TMEM154: variants seen among roughly 807,000 people sequenced by gnomAD.
TMEM154 encodes transmembrane protein 154.
TMEM154 carries 27 observed loss-of-function variants against 24.5 expected under a neutral mutation model. The ratio of observed to expected loss-of-function variants is 1.10; its 90% CI spans 0.81 to 1.52. The LOEUF (loss-of-function observed/expected upper bound fraction) is 1.52. Among genes scored for constraint, TMEM154 ranks in the 40% most tolerant of loss-of-function variants. The probability of loss-of-function intolerance (pLI) is 0.00; values close to 1 mark genes in which losing one functional copy is unlikely to be tolerated. For missense variants in TMEM154, 228 were observed against 213.4 expected (o/e 1.07, Z -0.43); for synonymous variants, 67 against 76.8 (o/e 0.87, Z 0.67).
chr4:152,676,516 A>G (rs1245644249), intron 1 of TMEM154, among the ~76,000 whole-genome samples: 1 of 152,216 alleles, frequency 6.6e-6, no homozygotes, highest in Non-Finnish European at 1.5e-5. Context: ...AAATGTAAAA[A>G]CAGGGATAAT....
At chr4:152,630,697 TTA>T (rs1752023068) in intron 6 of TMEM154, among the ~76,000 whole-genome samples, 1 of 152,214 alleles carries the variant, frequency 6.6e-6, no homozygotes, top group Non-Finnish European at 1.5e-5. Flanking sequence ...AAGTTAATTA[TTA>T]TAAAATTTGT....
intron 6 of TMEM154, among the ~76,000 whole-genome samples, chr4:152,631,036 A>C (rs796177768): frequency 1.4e-4 from 22 of 152,304 alleles, no homozygotes; most frequent in African/African-American, 5.0e-4. Flanking sequence ...TCAAATTTTT[A>C]ATTTTTATTT....
At chr4:152,638,369 G>A (rs919363367) in intron 6 of TMEM154, among the ~76,000 whole-genome samples, 7 of 152,226 alleles carry the variant, frequency 4.6e-5, no homozygotes, top group African/African-American at 1.7e-4. Flanking sequence ...AGAACTGAAA[G>A]TCTCATAGTA....
chr4:152,657,799 G>A (rs1728519867), intron 1 of TMEM154, among the ~76,000 whole-genome samples: 1 of 152,140 alleles, frequency 6.6e-6, no homozygotes, highest in African/African-American at 2.4e-5. Context: ...GGAGACAACA[G>A]GGTAATAAAG....
At position 152,621,197 on chromosome 4, in the gene TMEM154, C is replaced by T. The variant is rs1407989163; in HGVS notation, c.*7349G>A. ...TGGCTGACCTACTTGGGAGGCTCAC[C>T]CTTGTGCTGGTTCCCTCTCTTTCCT... On this transcript the variant is annotated 3_prime_UTR_variant, in exon 7 of 7. Transcript: ENST00000304385. The T allele has an allele frequency of 2.0e-5, 3 of 152,230 alleles. No homozygotes were observed. Among genetic ancestry groups the T allele is most frequent in the African/African-American group, 7.2e-5 (3 of 41,444 alleles). 9.4% of individuals were successfully genotyped at this position (152,230 alleles called of 1,614,324 possible).
In TMEM154 at chr4:152,621,676, A is replaced by G. The variant is rs543985931; in HGVS notation, c.*6870T>C. 6.6e-6 allele frequency: 1 copy of G among 152,338 alleles called. No homozygotes were observed. The highest frequency in any genetic ancestry group is 2.4e-5 in the African/African-American group (1 of 41,578). 9.4% of individuals were successfully genotyped at this position (152,338 alleles called of 1,614,324 possible). ...CCTTATTCAAGGAAGTCTTCATGTT[A>G]TCTACAACTTATGAATCTGCCTTTC... is the stretch of plus-strand genomic sequence containing the variant. On this transcript the variant is annotated 3_prime_UTR_variant, in exon 7 of 7. Transcript: ENST00000304385.
chr4:152,673,798 A>T (rs1728900808), intron 1 of TMEM154, among the ~76,000 whole-genome samples: 2 of 152,140 alleles, frequency 1.3e-5, no homozygotes, highest in Non-Finnish European at 2.9e-5. Context: ...GTTGATAGAC[A>T]TTTAGGTTGC....
intron 1 of TMEM154, among the ~76,000 whole-genome samples, chr4:152,673,676 T>C (rs1024939787): frequency 1.3e-5 from 2 of 152,214 alleles, no homozygotes. Flanking sequence ...GATACGTGTA[T>C]CAACATGACT....
chr4:152,658,474 A>C (rs1177659737), intron 1 of TMEM154, among the ~76,000 whole-genome samples: 1 of 152,170 alleles, frequency 6.6e-6, no homozygotes, highest in Non-Finnish European at 1.5e-5. Flanking sequence ...GACTAAAAAC[A>C]AACAAAAAAC....
chr4:152,664,534 A>G (rs1211399993), intron 1 of TMEM154, among the ~76,000 whole-genome samples: 1 of 152,246 alleles, frequency 6.6e-6, no homozygotes, highest in African/African-American at 2.4e-5. Context: ...AAATTTTTTT[A>G]AAGCTTAATT....
At chr4:152,646,526 TG>T in intron 3 of TMEM154, 1 of 165,624 alleles carries the variant, frequency 6.0e-6, no homozygotes, top group Non-Finnish European at 1.3e-5. Context: ...CCACTCCACC[TG>T]GCCTATATAT....
At chr4:152,676,845 CTGTT>C (rs910434474) in intron 1 of TMEM154, among the ~76,000 whole-genome samples, 1 of 152,204 alleles carries the variant, frequency 6.6e-6, no homozygotes, top group African/African-American at 2.4e-5. Flanking sequence ...CCATTCCTCT[CTGTT>C]TGGCCACCAA....
intron 1 of TMEM154, among the ~76,000 whole-genome samples, chr4:152,654,669 T>C (rs912706025): frequency 1.3e-5 from 2 of 152,172 alleles, no homozygotes; most frequent in African/African-American, 4.8e-5. Context: ...AAACCAGAGT[T>C]CTCTTTCCTT....
intron 3 of TMEM154, 36 bp downstream of exon 3, chr4:152,652,502 C>T (rs756369026): frequency 6.2e-7 from 1 of 1,611,676 alleles, no homozygotes; most frequent in South Asian, 1.1e-5. Context: ...TCCAATCCCA[C>T]CCCCACCTGT....
chr4:152,643,262 G>A (rs1752291227), intron 4 of TMEM154, 89 bp from the exon 5 acceptor site: 2 of 1,019,854 alleles, frequency 2.0e-6, no homozygotes, highest in East Asian at 4.8e-5. Context: ...TGATCCTGAG[G>A]AAGATGAACT....
chr4:152,644,885 A>T (rs1752327141), intron 3 of TMEM154, among the ~76,000 whole-genome samples: 1 of 152,138 alleles, frequency 6.6e-6, no homozygotes, highest in African/African-American at 2.4e-5. Context: ...CTGGTGGAGG[A>T]TGTGGGATCT....
chr4:152,640,924 G>A lies in TMEM154; in HGVS notation c.536+4C>T. On this transcript the variant is annotated splice_donor_region_variant and intron_variant, in intron 6 of 6. Coordinates refer to ENST00000304385, the MANE Select transcript of TMEM154 (RefSeq NM_152680.3). Reference sequence around the variant, plus strand: ...ATGTAATCTGTGGTAGAAATGAGAAGTACCTTGGGTTGTGATTTGATTCCT... The same window carrying A: ...ATGTAATCTGTGGTAGAAATGAGAAATACCTTGGGTTGTGATTTGATTCCT... 6.4e-7 allele frequency: 1 copy of A among 1,564,884 alleles called. No homozygotes were observed. The highest frequency in any genetic ancestry group is 1.1e-5 in the South Asian group (1 of 89,228).
intron 4 of TMEM154, among the ~76,000 whole-genome samples, chr4:152,643,780 C>T (rs1162213162): frequency 6.6e-6 from 1 of 152,162 alleles, no homozygotes; most frequent in Non-Finnish European, 1.5e-5. Context: ...GCTCTGAAAG[C>T]AGCGTAGGCG....
chr4:152,677,389 G>T (rs1728972063), intron 1 of TMEM154, among the ~76,000 whole-genome samples: 1 of 152,160 alleles, frequency 6.6e-6, no homozygotes, highest in South Asian at 2.1e-4. Flanking sequence ...CACAAACAGT[G>T]TCAGGCCCTT....
Sources: gnomAD v4.1 joint callset for allele counts (sites outside exome capture counted in the v4.1 genomes callset) on GRCh38, gnomAD v4.1.1 for gene constraint, MANE v1.5 for transcripts, NCBI Gene and HGNC (gene_info 2026-07-23, HGNC 2026-07-21) for gene names.